ACSS1: variants seen among roughly 807,000 people sequenced by gnomAD.
The protein encoded by ACSS1 is acyl-CoA synthetase short chain family member 1.
ACSS1 carries 42 observed loss-of-function variants against 75.3 expected under a neutral mutation model. The observed-to-expected ratio is 0.56, with a 90% confidence interval of 0.44 to 0.72. ACSS1 has a LOEUF of 0.72. Ranked by LOEUF, ACSS1 falls within the 30% of genes least tolerant of loss-of-function variation. The pLI is 0.00. For missense variants in ACSS1, 782 were observed against 935.7 expected, an observed-to-expected ratio of 0.84 and a Z score of 2.14; for synonymous variants, 380 against 376.8, an observed-to-expected ratio of 1.01 and a Z score of -0.10.
chr20:25,020,703 G>A (rs771327759), intron 6 of ACSS1, among the ~76,000 whole-genome samples: 4 of 152,222 alleles, frequency 2.6e-5, no homozygotes, highest in Admixed American at 2.6e-4. Context: ...CTTAATCCCT[G>A]GTCTTGCCCC....
In ACSS1 at chr20:25,015,128, GC is replaced by G. The variant is rs1031137464; in HGVS notation, c.1339+9del. On this transcript the variant is annotated intron_variant, in intron 8 of 13. Transcript: ENST00000323482. ...ACTTAGACCGGAACCTGTTCCCCAG[GC>G]CTCCTCACCTGTCTGCCACCAGGTG... 6.2e-7 allele frequency: 1 copy of G among 1,604,242 alleles called. No homozygotes were observed. Among genetic ancestry groups the G allele is most frequent in the Non-Finnish European group, 8.5e-7 (1 of 1,173,136 alleles).
chr20:25,012,557 G>A, intron 12 of ACSS1, 44 bp downstream of exon 12: 1 of 1,608,706 alleles, frequency 6.2e-7, no homozygotes, highest in Non-Finnish European at 8.5e-7. Context: ...CATAATGGGT[G>A]TGGGGTCAGG....
Position 25,012,645 on chromosome 20 carries a change from G to A in ACSS1, c.1727C>T (p.Pro576Leu). ...EDAIADHPAVPESAVIGYPHD... is the reference protein window; with the variant it reads ...EDAIADHPAVLESAVIGYPHD... ...GGGGTAGCCAATGACAGCACTTTCT[G>A]GTACTGCAGGGTGGTCGGCCTGTGT... Residue 576 changes from proline to leucine, a missense_variant, in exon 12 of 14, where the codon CCA (proline) becomes CTA (leucine). Physicochemically the swap from Pro to Leu is moderately conservative, Grantham distance 98. Transcript: ENST00000323482. 6.2e-7 allele frequency: 1 copy of A among 1,614,154 alleles called. No individual in the cohort carries two copies. Among genetic ancestry groups the A allele is most frequent in the South Asian group, 1.1e-5 (1 of 91,080 alleles).
At chr20:25,029,619 A>C (rs1431437714) in intron 3 of ACSS1, among the ~76,000 whole-genome samples, 1 of 152,230 alleles carries the variant, frequency 6.6e-6, no homozygotes, top group Non-Finnish European at 1.5e-5. Flanking sequence ...ATGGCCATCA[A>C]TGAATGCATA....
intron 13 of ACSS1, 138 bp from the exon 14 acceptor site, chr20:25,008,079 C>A: frequency 8.6e-7 from 1 of 1,158,004 alleles, no homozygotes; most frequent in Admixed American, 2.8e-5. Context: ...TAAGCCTCCA[C>A]CCCAGAGAAC....
chr20:25,055,141 A>G (rs1012453152), intron 1 of ACSS1, among the ~76,000 whole-genome samples: 4 of 152,238 alleles, frequency 2.6e-5, no homozygotes, highest in African/African-American at 9.6e-5. Flanking sequence ...TCTTTAAACT[A>G]AATTTGTCCT....
In ACSS1 at chr20:25,020,090, G is replaced by A. The variant is rs774663280; in HGVS notation, c.1166C>T (p.Thr389Met). Residue 389 changes from threonine to methionine, a missense_variant, in exon 7 of 14, where the codon ACG becomes ATG. Thr to Met is a moderately conservative substitution (Grantham distance 81). This residue lies in a region of ACSS1 where 405 missense variants were observed against 552.6 expected (regional missense o/e 0.73). Coordinates refer to ENST00000323482, the MANE Select transcript of ACSS1 (RefSeq NM_032501.4). ...LKINQFYGAP[T>M]AVRLLLKYGD... The stretch of plus-strand genomic sequence containing the variant: ...GTATTTCAGCAACAGCCGGACAGCC[G>A]TTGGGGCGCCATAGAACTGATTGAT... 9.3e-6 allele frequency: 15 copies of A among 1,614,112 alleles called. No homozygotes were observed. Among genetic ancestry groups the A allele is most frequent in the South Asian group, 3.3e-5 (3 of 91,092 alleles).
rs2088943255 is a variant in ACSS1, at chr20:25,037,994, C to T, written c.432-7036G>A. Among the ~76,000 whole-genome samples the T allele has an allele frequency of 2.0e-5, 3 of 152,332 alleles. No individual in the cohort carries two copies. In the South Asian group the frequency reaches 6.2e-4, roughly 32 times the overall value. ...CTCACGTCATTATTTGATGTCATGA[C>T]CATGACATTTAGCAAAGAGAAGCTG... On this transcript the variant is annotated intron_variant, in intron 2 of 13. Transcript: ENST00000323482.
Position 25,015,141 on chromosome 20 carries a change from T to C in ACSS1, c.1336A>G (p.Thr446Ala), listed in dbSNP as rs1336556564. Residue 446 changes from threonine to alanine, a missense_variant, in exon 8 of 14, where the codon ACA (threonine) becomes GCA (alanine). Coordinates refer to ENST00000323482, the MANE Select transcript of ACSS1 (RefSeq NM_032501.4). ...CCTGTTCCCCAGGCCTCCTCACCTGTCTGCCACCAGGTGTCCACCAGCGTG... is the reference window on the plus strand; with the variant it reads ...CCTGTTCCCCAGGCCTCCTCACCTGCCTGCCACCAGGTGTCCACCAGCGTG... ...RCTLVDTWWQ[T>A]ETGGICIAPR... is the part of the protein sequence containing the mutation. 2 of 1,609,892 alleles carry C rather than the reference T, an allele frequency of 1.2e-6. No homozygotes were observed. Among genetic ancestry groups the C allele is most frequent in the East Asian group, 2.2e-5 (1 of 44,746 alleles).
At chr20:25,009,170 C>G (rs1259690942) in intron 13 of ACSS1, 100 bp downstream of exon 13, 1 of 1,080,106 alleles carries the variant, frequency 9.3e-7, no homozygotes, top group African/African-American at 1.6e-5. Flanking sequence ...CGTTTTGATG[C>G]TAATTGGAAA....
In ACSS1 at chr20:25,030,871, G is replaced by A. The variant is rs754691508; in HGVS notation, c.519C>T (p.Pro173=). 50 of 1,614,108 alleles carry A rather than the reference G, an allele frequency of 3.1e-5. No individual in the cohort carries two copies. Among genetic ancestry groups the A allele is most frequent in the Non-Finnish European group, 3.6e-5 (43 of 1,180,056 alleles). The change falls in exon 3 of 14, where the codon CCC becomes CCT. Residue 173 remains proline, a synonymous_variant. Transcript: ENST00000323482. ...HRGDRVAIYM[P]VSPLAVAAML... ...TTGCTGCCACAGCCAATGGGGACAC[G>A]GGCATGTAGATGGCAACACGGTCCC... is the stretch of plus-strand genomic sequence containing the variant.
rs377542546 is a variant in ACSS1, at chr20:25,007,898, C to T, written c.1934G>A (p.Arg645Gln). 100 of 1,614,114 alleles carry T rather than the reference C, an allele frequency of 6.2e-5. No homozygotes were observed. The highest frequency in any genetic ancestry group is 7.7e-5 in the South Asian group (7 of 91,088). ...LPKTRSGKVM[R>Q]RLLRKIITSE... Reference sequence around the variant, plus strand: ...AGTGATGATCTTCCTCAGGAGCCGCCGCATGACCTTCCCAGACCTGGTTTT... The same window carrying T: ...AGTGATGATCTTCCTCAGGAGCCGCTGCATGACCTTCCCAGACCTGGTTTT... Residue 645 changes from arginine (R) to glutamine (Q), a missense_variant, in exon 14 of 14, where the codon CGG (arginine) becomes CAG (glutamine). Physicochemically the swap from Arg to Gln is conservative, Grantham distance 43. Coordinates refer to ENST00000323482, the MANE Select transcript of ACSS1 (RefSeq NM_032501.4).
intron 3 of ACSS1, among the ~76,000 whole-genome samples, chr20:25,026,388 A>G (rs562229561): frequency 6.6e-6 from 1 of 152,320 alleles, no homozygotes; most frequent in South Asian, 2.1e-4. Context: ...GGACTGTAGG[A>G]CACTGGCAGT....
At position 25,022,973 on chromosome 20, in the gene ACSS1, T is replaced by A; in HGVS notation, c.927A>T (p.Ala309=). ...GMPKGIVHTQ[A]GYLLYAALTH... ...TCAGGGCGGCATAGAGCAGGTAGCC[T>A]GCCTGGGTATGGACGATGCCCTTGG... The change falls in exon 5 of 14, where the codon GCA becomes GCT. Residue 309 remains alanine, a synonymous_variant. Coordinates refer to ENST00000323482, the MANE Select transcript of ACSS1 (RefSeq NM_032501.4). 6.2e-7 allele frequency: 1 copy of A among 1,614,012 alleles called. No individual in the cohort carries two copies. Among genetic ancestry groups the A allele is most frequent in the Non-Finnish European group, 8.5e-7 (1 of 1,180,012 alleles).
chr20:25,057,740 G>A (rs2089263752), intron 1 of ACSS1, 29 bp downstream of exon 1: 3 of 1,526,030 alleles, frequency 2.0e-6, no homozygotes, highest in Non-Finnish European at 1.8e-6. Flanking sequence ...AGAGTTGGGG[G>A]CGTCCTGGGT....
intron 10 of ACSS1, among the ~76,000 whole-genome samples, chr20:25,013,329 T>A (rs2088450262): frequency 6.6e-6 from 1 of 151,974 alleles, no homozygotes; most frequent in East Asian, 1.9e-4. Context: ...AGTCCCCGAG[T>A]GGGGAATCAC....
intron 2 of ACSS1, chr20:25,032,535 C>G (rs188981896): frequency 4.8e-5 from 60 of 1,252,270 alleles, no homozygotes; most frequent in Non-Finnish European, 6.0e-5. Flanking sequence ...TAACACAGAA[C>G]GAAGAATGAG....
At chr20:25,052,109 T>C (rs896948696) in intron 1 of ACSS1, among the ~76,000 whole-genome samples, 1 of 152,034 alleles carries the variant, frequency 6.6e-6, no homozygotes, top group African/African-American at 2.4e-5. Flanking sequence ...CACATAGTTA[T>C]GGTTCCTGCT....
intron 2 of ACSS1, among the ~76,000 whole-genome samples, chr20:25,034,954 G>A (rs1175043106): frequency 6.6e-6 from 1 of 151,722 alleles, no homozygotes; most frequent in Non-Finnish European, 1.5e-5. Context: ...GTGCAGTGGC[G>A]CGATCTCCAC....
Sources: gnomAD v4.1 joint callset for allele counts (sites outside exome capture counted in the v4.1 genomes callset) on GRCh38, gnomAD v4.1.1 for gene constraint, gnomAD v4.1.1 regional missense constraint, MANE v1.5 for transcripts, NCBI Gene and HGNC (gene_info 2026-07-23, HGNC 2026-07-21) for gene names.